ADGRB3: variants seen among roughly 807,000 people sequenced by gnomAD.
ADGRB3 encodes adhesion G protein-coupled receptor B3.
A neutral mutation model predicts 193.4 loss-of-function variants in ADGRB3; 37 were observed. The ratio of observed to expected loss-of-function variants is 0.19; its 90% CI spans 0.15 to 0.25. The LOEUF is 0.25. Among genes scored for constraint, ADGRB3 ranks in the 10% least tolerant of loss-of-function variants. The pLI is 1.00. For missense variants in ADGRB3, 1,637 were observed against 1,852.9 expected (o/e 0.88, Z 2.14); for synonymous variants, 690 against 644.2 (o/e 1.07, Z -1.08).
chr6:68,677,036 A>G (rs774542243), intron 3 of ADGRB3, among the ~76,000 whole-genome samples: 2 of 152,228 alleles, frequency 1.3e-5, no homozygotes. Context: ...GAAATCTTAA[A>G]GAATTCCTGT....
chr6:68,909,794 A>G (rs1436394479), intron 3 of ADGRB3, among the ~76,000 whole-genome samples: 3 of 152,170 alleles, frequency 2.0e-5, no homozygotes, highest in African/African-American at 7.2e-5. Flanking sequence ...TTAAAGGGTA[A>G]CCCAGTCTAT....
At chr6:68,931,705 G>T (rs1238927651) in intron 4 of ADGRB3, among the ~76,000 whole-genome samples, 1 of 152,060 alleles carries the variant, frequency 6.6e-6, no homozygotes, top group Non-Finnish European at 1.5e-5. Flanking sequence ...TAGAACAGTA[G>T]ATCTGAATCT....
At chr6:69,068,602 G>A (rs749946393) in intron 16 of ADGRB3, among the ~76,000 whole-genome samples, 50 of 152,096 alleles carry the variant, frequency 3.3e-4, no homozygotes, top group African/African-American at 1.1e-3. Context: ...ATGTAAAAAC[G>A]TCCTGATGAT....
At chr6:68,674,488 T>C (rs1769039191) in intron 3 of ADGRB3, among the ~76,000 whole-genome samples, 1 of 152,184 alleles carries the variant, frequency 6.6e-6, no homozygotes, top group Non-Finnish European at 1.5e-5. Context: ...ATTTTTGAGA[T>C]GTTTACCACT....
chr6:68,749,416 G>GTGTGTA (rs1766150319), intron 3 of ADGRB3, among the ~76,000 whole-genome samples: 1 of 140,660 alleles, frequency 7.1e-6, no homozygotes, highest in Non-Finnish European at 1.5e-5. Context: ...ATATGTGTGT[G>GTGTGTA]TGTGTGTGTG....
At chr6:69,195,328 G>A (rs918621312) in intron 17 of ADGRB3, among the ~76,000 whole-genome samples, 18 of 151,808 alleles carry the variant, frequency 1.2e-4, no homozygotes, top group African/African-American at 3.9e-4. Flanking sequence ...CCAGTAATTC[G>A]AGACCAGGCC....
intron 23 of ADGRB3, chr6:69,331,561 A>G (rs1768731147): frequency 1.0e-6 from 1 of 985,310 alleles, no homozygotes; most frequent in African/African-American, 1.7e-5. Context: ...CTAAGCTGTA[A>G]CAGGGAGCAG....
intron 3 of ADGRB3, among the ~76,000 whole-genome samples, chr6:68,884,788 A>G (rs556676121): frequency 6.6e-6 from 1 of 152,286 alleles, no homozygotes; most frequent in South Asian, 2.1e-4. Flanking sequence ...TGTGTTTTGT[A>G]AAAATTTGGC....
At chr6:68,880,272 G>C (rs1322509156) in intron 3 of ADGRB3, among the ~76,000 whole-genome samples, 2 of 152,128 alleles carry the variant, frequency 1.3e-5, no homozygotes, top group Non-Finnish European at 2.9e-5. Flanking sequence ...AATTCCTGCA[G>C]TTAAAGCCAG....
intron 3 of ADGRB3, among the ~76,000 whole-genome samples, chr6:68,723,745 T>C (rs1048912425): frequency 4.6e-5 from 7 of 151,744 alleles, no homozygotes; most frequent in Non-Finnish European, 1.0e-4. Flanking sequence ...CAATACCTAT[T>C]GCCTCACATT....
At chr6:69,078,539 C>T (rs1430175245) in intron 17 of ADGRB3, among the ~76,000 whole-genome samples, 1 of 151,964 alleles carries the variant, frequency 6.6e-6, no homozygotes, top group Admixed American at 6.6e-5. Flanking sequence ...TTTACACTAC[C>T]TATATTTCAT....
At chr6:69,268,489 A>G (rs888865899) in intron 20 of ADGRB3, among the ~76,000 whole-genome samples, 6 of 152,270 alleles carry the variant, frequency 3.9e-5, no homozygotes, top group Middle Eastern at 3.4e-3. Flanking sequence ...CGCTTTGACA[A>G]GATGACCTCT....
At chr6:68,751,841 A>G (rs181437537) in intron 3 of ADGRB3, among the ~76,000 whole-genome samples, 76 of 152,290 alleles carry the variant, frequency 5.0e-4, no homozygotes, top group Non-Finnish European at 7.9e-4. Context: ...GTGGTTATTT[A>G]TTGAGCATAA....
chr6:68,712,330 C>T (rs1044682798), intron 3 of ADGRB3, among the ~76,000 whole-genome samples: 1 of 152,024 alleles, frequency 6.6e-6, no homozygotes, highest in African/African-American at 2.4e-5. Context: ...ATCGACACCA[C>T]AGGCATTCAG....
intron 3 of ADGRB3, among the ~76,000 whole-genome samples, chr6:68,731,346 C>CA (rs544184079): frequency 1.3e-3 from 194 of 149,916 alleles, no homozygotes; most frequent in South Asian, 5.9e-3. Flanking sequence ...AATTCATTTA[C>CA]AAAAAAAATA....
intron 3 of ADGRB3, among the ~76,000 whole-genome samples, chr6:68,874,694 C>T (rs1490005000): frequency 6.6e-6 from 1 of 152,110 alleles, no homozygotes; most frequent in Non-Finnish European, 1.5e-5. Context: ...TGGATACTGT[C>T]AGAATTCCAT....
rs969150728 is a variant in ADGRB3 at position 69,137,369 on chromosome 6, G to GT, written c.2480+61341dup. On this transcript the variant is annotated intron_variant, in intron 17 of 31. Coordinates refer to ENST00000370598, the MANE Select transcript of ADGRB3 (RefSeq NM_001704.3). ...AACCTATGAACTTAACATTTTCTGT[G>GT]TTTTTTTTTTGGATCATCTGGATGG... 7.0e-4 allele frequency among the ~76,000 whole-genome samples: 103 copies of GT among 147,020 alleles called. 1 individual carries two copies. The highest frequency in any genetic ancestry group is 8.9e-4 in the African/African-American group (36 of 40,256).
At chr6:69,141,087 A>G (rs144212658) in intron 17 of ADGRB3, among the ~76,000 whole-genome samples, 1 of 143,598 alleles carries the variant, frequency 7.0e-6, no homozygotes, top group Admixed American at 7.3e-5. Context: ...GAAAGAAGAC[A>G]GGAAGTCAGT....
At chr6:69,277,083 C>T (rs940618358) in intron 20 of ADGRB3, among the ~76,000 whole-genome samples, 5 of 151,220 alleles carry the variant, frequency 3.3e-5, no homozygotes, top group Admixed American at 6.6e-5. Context: ...GCAACCTCTG[C>T]CTCCCGGGTT....
Sources: allele counts gnomAD v4.1 joint callset (sites outside exome capture counted in the v4.1 genomes callset), GRCh38; gene constraint gnomAD v4.1.1; transcripts MANE v1.5; gene names NCBI Gene and HGNC (gene_info 2026-07-23, HGNC 2026-07-21).